HPSE2: variants seen among roughly 807,000 people sequenced by gnomAD.
HPSE2 encodes the protein inactive heparanase-2.
HPSE2 carries 38 observed loss-of-function variants against 60.5 expected under a neutral mutation model. That is an observed-to-expected ratio of 0.63 (90% confidence interval 0.48 to 0.82). The LOEUF (loss-of-function observed/expected upper bound fraction) is 0.82, where lower values mean the gene tolerates loss of function less well. Ranked by LOEUF, HPSE2 falls within the 40% of genes least tolerant of loss-of-function variation. The pLI, the probability that HPSE2 is intolerant of heterozygous loss-of-function variation, is 0.00. For missense variants in HPSE2, 713 were observed against 740.4 expected, an observed-to-expected ratio of 0.96 and a Z score of 0.43; for synonymous variants, 295 against 293.2, an observed-to-expected ratio of 1.01 and a Z score of -0.06.
chr10:99,147,413 G>C (rs1045140254), intron 2 of HPSE2, among the ~76,000 whole-genome samples: 1 of 152,148 alleles, frequency 6.6e-6, no homozygotes, highest in African/African-American at 2.4e-5. Flanking sequence ...AAGTGAAGGA[G>C]AGTTTCAATT....
intron 3 of HPSE2, among the ~76,000 whole-genome samples, chr10:98,759,016 G>A (rs984083586): frequency 6.6e-6 from 1 of 152,094 alleles, no homozygotes; most frequent in Non-Finnish European, 1.5e-5. Context: ...CAAAAAGAAT[G>A]AGCTCATGTC....
intron 10 of HPSE2, among the ~76,000 whole-genome samples, chr10:98,484,198 T>G (rs890393670): frequency 6.6e-6 from 1 of 151,904 alleles, no homozygotes; most frequent in African/African-American, 2.4e-5. Flanking sequence ...CTTCCTTCCT[T>G]CCTTCTTTTT....
chr10:98,946,195 C>G (rs1955179142), intron 3 of HPSE2, among the ~76,000 whole-genome samples: 1 of 152,074 alleles, frequency 6.6e-6, no homozygotes, highest in South Asian at 2.1e-4. Context: ...CATGGCCAGA[C>G]ATAGCAGCTC....
chr10:99,147,335 G>A (rs533582405), intron 2 of HPSE2, among the ~76,000 whole-genome samples: 4 of 152,278 alleles, frequency 2.6e-5, no homozygotes, highest in South Asian at 4.1e-4. Flanking sequence ...TAGACTGTTC[G>A]TGTGGAAAAG....
chr10:98,743,405 T>A (rs1376433090), intron 4 of HPSE2, among the ~76,000 whole-genome samples: 1 of 152,232 alleles, frequency 6.6e-6, no homozygotes, highest in Non-Finnish European at 1.5e-5. Context: ...ACAAGACTTC[T>A]TATAGCCTTT....
chr10:99,168,630 C>T (rs531978957), intron 2 of HPSE2, among the ~76,000 whole-genome samples: 2 of 152,212 alleles, frequency 1.3e-5, no homozygotes, highest in South Asian at 4.2e-4. Flanking sequence ...CAGGTAGACT[C>T]ACAAAGGGGA....
intron 3 of HPSE2, among the ~76,000 whole-genome samples, chr10:98,911,749 C>G (rs1022999639): frequency 4.6e-5 from 7 of 151,926 alleles, no homozygotes; most frequent in Admixed American, 2.6e-4. Flanking sequence ...CACAGTAGTA[C>G]TGCAAAAAAG....
intron 3 of HPSE2, among the ~76,000 whole-genome samples, chr10:98,770,228 G>C (rs1565151020): frequency 6.6e-6 from 1 of 152,106 alleles, no homozygotes. Flanking sequence ...CATTTCTTTA[G>C]ATGGGCCAAA....
intron 5 of HPSE2, among the ~76,000 whole-genome samples, chr10:98,697,582 C>T (rs1404234012): frequency 1.3e-5 from 2 of 152,188 alleles, no homozygotes; most frequent in East Asian, 3.9e-4. Context: ...GGAAAACACA[C>T]TTCAGGATAT....
chr10:99,086,074 C>T (rs934957815), intron 3 of HPSE2, among the ~76,000 whole-genome samples: 4 of 152,152 alleles, frequency 2.6e-5, no homozygotes, highest in African/African-American at 9.7e-5. Context: ...TTCACCCCCA[C>T]TTCATTCTCT....
intron 3 of HPSE2, among the ~76,000 whole-genome samples, chr10:98,832,857 A>G (rs997253361): frequency 1.4e-4 from 22 of 152,220 alleles, no homozygotes; most frequent in African/African-American, 4.8e-4. Context: ...ATCCACAATT[A>G]TGAAGAGGGA....
At chr10:98,701,437 C>A (rs1216867948) in intron 5 of HPSE2, among the ~76,000 whole-genome samples, 1 of 139,156 alleles carries the variant, frequency 7.2e-6, no homozygotes, top group Non-Finnish European at 1.5e-5. Context: ...GGGAACTGAA[C>A]AATGAGAACA....
intron 3 of HPSE2, among the ~76,000 whole-genome samples, chr10:98,962,393 A>T (rs551600992): frequency 1.1e-4 from 16 of 151,356 alleles, no homozygotes; most frequent in African/African-American, 3.4e-4. Flanking sequence ...TGTTCTTCCA[A>T]TTGTTTGTGT....
intron 9 of HPSE2, among the ~76,000 whole-genome samples, chr10:98,535,365 A>T (rs1317410582): frequency 3.3e-5 from 5 of 152,040 alleles, no homozygotes; most frequent in Non-Finnish European, 7.4e-5. Context: ...CTGAAGGAGC[A>T]GAGGGAAAGA....
chr10:98,938,921 A>G (rs187847493), intron 3 of HPSE2, among the ~76,000 whole-genome samples: 2,842 of 143,994 alleles, frequency 0.02, 641 homozygotes, highest in African/African-American at 0.075. Flanking sequence ...AGAGAGTGGG[A>G]GCCAATATTC....
chr10:98,479,001 T>C (rs1024539731), intron 11 of HPSE2, among the ~76,000 whole-genome samples: 3 of 152,160 alleles, frequency 2.0e-5, no homozygotes, highest in Non-Finnish European at 1.5e-5. Context: ...CATACATAAA[T>C]AGTGACCCCA....
intron 3 of HPSE2, among the ~76,000 whole-genome samples, chr10:99,066,272 T>C (rs1023891378): frequency 3.3e-5 from 5 of 152,160 alleles, no homozygotes; most frequent in African/African-American, 1.2e-4. Flanking sequence ...AAGCAATACT[T>C]AGAGGGACAT....
chr10:98,760,184 G>C (rs2134384145), intron 3 of HPSE2, among the ~76,000 whole-genome samples: 1 of 152,132 alleles, frequency 6.6e-6, no homozygotes, highest in East Asian at 1.9e-4. Context: ...TTTTAGTGAA[G>C]TATTTAGGGT....
At chr10:98,841,567 A>G (rs934105186) in intron 3 of HPSE2, among the ~76,000 whole-genome samples, 28 of 152,280 alleles carry the variant, frequency 1.8e-4, no homozygotes, top group African/African-American at 6.7e-4. Flanking sequence ...ATTCATCCTT[A>G]CTTCTATGTA....
Sources: allele counts gnomAD v4.1 joint callset (sites outside exome capture counted in the v4.1 genomes callset), GRCh38; gene constraint gnomAD v4.1.1; transcripts MANE v1.5; gene names NCBI Gene and HGNC (gene_info 2026-07-23, HGNC 2026-07-21).